The following PLK2 variants were observed in gnomAD, a reference collection of about 807,000 sequenced individuals.
The protein encoded by PLK2 is polo like kinase 2, also known as serine/threonine-protein kinase PLK2.
In PLK2, 25 loss-of-function variants were observed where a neutral mutation model predicts 78.1. The observed-to-expected ratio is 0.32, with a 90% CI of 0.23 to 0.45. The LOEUF is 0.45. PLK2 is among the 20% of genes least tolerant of loss of function. The probability of loss-of-function intolerance (pLI) is 1.00; values close to 1 mark genes in which losing one functional copy is unlikely to be tolerated. For synonymous variants in PLK2, 332 were observed against 298.2 expected (o/e 1.11, Z -1.17); for missense variants, 566 against 840.2 (o/e 0.67, Z 4.04).
At chr5:58,456,221 G>T in intron 9 of PLK2, 66 bp from the exon 10 acceptor site, 2 of 1,481,530 alleles carry the variant, frequency 1.3e-6, no homozygotes, top group South Asian at 1.2e-5. Context: ...GAGAATTCCA[G>T]ATTAAGATGA....
chr5:58,456,452 CG>C (rs1561216024), intron 9 of PLK2, 39 bp downstream of exon 9: 1 of 1,146,992 alleles, frequency 8.7e-7, no homozygotes, highest in East Asian at 2.3e-5. Flanking sequence ...GTGGAAATAA[CG>C]TAAAGCGTGA....
chr5:58,458,675 C>A, intron 3 of PLK2, 50 bp downstream of exon 3: 2 of 1,249,260 alleles, frequency 1.6e-6, no homozygotes, highest in South Asian at 1.2e-5. Flanking sequence ...CTTTGAATAC[C>A]ATGTTAATTC....
At chr5:58,456,440 G>C (rs537184355) in intron 9 of PLK2, 52 bp downstream of exon 9, 62 of 1,048,930 alleles carry the variant, frequency 5.9e-5, no homozygotes, top group Admixed American at 7.8e-5. Flanking sequence ...AATTAATAAA[G>C]AGTGGAAATA....
chr5:58,458,271 A>G (rs749845123), intron 4 of PLK2, 100 bp from the exon 5 acceptor site: 2 of 1,299,002 alleles, frequency 1.5e-6, no homozygotes, highest in East Asian at 4.6e-5. Flanking sequence ...TTGTTATATG[A>G]AAGTCGCCCA....
In PLK2 at chr5:58,457,544, G is replaced by C; in HGVS notation, c.753C>G (p.Val251=). The stretch of plus-strand genomic sequence containing the variant: ...CACAGCCATGTCCTTGTTTGTTGAG[G>C]ACTTCAGGAGAGAGATAATTTGGGG... ...CGTPNYLSPE[V]LNKQGHGCES... Residue 251 remains valine, a synonymous_variant, in exon 6 of 14, where the codon GTC becomes GTG. Transcript: ENST00000274289. The C allele has an allele frequency of 6.2e-7, 1 of 1,612,896 alleles. No homozygotes were observed. Among genetic ancestry groups the C allele is most frequent in the Non-Finnish European group, 8.5e-7 (1 of 1,178,864 alleles).
chr5:58,459,400 G>T (rs573359555), intron 1 of PLK2: 20 of 566,364 alleles, frequency 3.5e-5, no homozygotes, highest in Admixed American at 2.3e-4. Flanking sequence ...TTCCCTGGGA[G>T]CAGATAGAGG....
At position 58,458,498 on chromosome 5, in the gene PLK2, C is replaced by T; in HGVS notation, c.526G>A (p.Val176Met). 1.9e-6 allele frequency: 3 copies of T among 1,612,036 alleles called. No homozygotes were observed. Among genetic ancestry groups the T allele is most frequent in the Non-Finnish European group, 2.5e-6 (3 of 1,178,954 alleles). ...TATCGAACTTCTGGCTCTGTCAACACCTTTCTTGCTTTCAAAATATGAGCC... is the reference window on the plus strand; with the variant it reads ...TATCGAACTTCTGGCTCTGTCAACATCTTTCTTGCTTTCAAAATATGAGCC... The part of the protein sequence containing the change: ...SMAHILKARK[V>M]LTEPEVRYYL... The change falls in exon 4 of 14, where the codon GTG becomes ATG. Residue 176 changes from valine to methionine, a missense_variant. Around this residue, in one of 5 missense-constraint regions of PLK2, gnomAD observed 179 missense variants for 342.3 expected, o/e 0.52. Coordinates refer to ENST00000274289, the MANE Select transcript of PLK2 (RefSeq NM_006622.4).
chr5:58,455,488 T>G, intron 11 of PLK2, 51 bp downstream of exon 11: 1 of 1,611,672 alleles, frequency 6.2e-7, no homozygotes, highest in Non-Finnish European at 8.5e-7. Flanking sequence ...TTTAGATTTC[T>G]TTAGTGCAAG....
chr5:58,456,790 A>G lies in PLK2; in HGVS notation c.1156+155T>C, dbSNP rs185309917. On this transcript the variant is annotated intron_variant, in intron 8 of 13. Coordinates refer to ENST00000274289, the MANE Select transcript of PLK2 (RefSeq NM_006622.4). ...GCAAAATAAAAAGCTATCAATCACA[A>G]TTCAAGGTATGGATTTATTATGCTA... 4.9e-5 allele frequency: 31 copies of G among 633,540 alleles called. No homozygotes were observed. The African/African-American group carries it at 5.5e-4, about 11-fold the overall frequency. 39.2% of individuals were successfully genotyped at this position (633,540 alleles called of 1,614,324 possible).
At chr5:58,458,930 G>A (rs747392929) in intron 2 of PLK2, 55 bp downstream of exon 2, 8 of 1,325,810 alleles carry the variant, frequency 6.0e-6, no homozygotes, top group African/African-American at 5.8e-5. Flanking sequence ...TTTCCTAACA[G>A]GGAAGGGCCA....
intron 1 of PLK2, 61 bp from the exon 2 acceptor site, chr5:58,459,153 T>G (rs543888993): frequency 5.6e-4 from 476 of 843,460 alleles, no homozygotes; most frequent in Middle Eastern, 5.0e-3. Context: ...GGCAGATATT[T>G]TAAATAAATA....
In PLK2 at chr5:58,456,173, TTATG is replaced by T. The variant is rs1743598564; in HGVS notation, c.1255-22_1255-19del. ...TGGAGCTCCTTAGAAGAGAGAAGAT[TTATG>T]CAATGAGTCAAGCATCTAAATTCAT... is the stretch of plus-strand genomic sequence containing the variant. On this transcript the variant is annotated intron_variant, in intron 9 of 13. Coordinates refer to ENST00000274289, the MANE Select transcript of PLK2 (RefSeq NM_006622.4). The T allele has an allele frequency of 1.2e-6, 2 of 1,603,468 alleles. No individual in the cohort carries two copies. The highest frequency in any genetic ancestry group is 2.7e-5 in the African/African-American group (2 of 74,228).
At chr5:58,456,427 G>A (rs1395375426) in intron 9 of PLK2, 65 bp downstream of exon 9, 5 of 970,270 alleles carry the variant, frequency 5.2e-6, no homozygotes, top group Admixed American at 2.0e-5. Context: ...TAGTCCAAGT[G>A]CTAATTAATA....
chr5:58,456,626 A>G, intron 8 of PLK2, 37 bp from the exon 9 acceptor site: 2 of 1,273,782 alleles, frequency 1.6e-6, no homozygotes, highest in South Asian at 1.2e-5. Context: ...ACATTAGTCT[A>G]TCTTAACAAG....
At position 58,457,084 on chromosome 5, in the gene PLK2, A is replaced by G. The variant is rs1251083032; in HGVS notation, c.1017T>C (p.Thr339=). Reference sequence around the variant, plus strand: ...AACAGCTAGAAGACAGTCTGTCCGGAGTGAAGCCCTGTGGAATATTAGAAA... The same window carrying G: ...AACAGCTAGAAGACAGTCTGTCCGGGGTGAAGCCCTGTGGAATATTAGAAA... The part of the protein sequence containing the change: ...IRHDFFLQGF[T]PDRLSSSCCH... The change falls in exon 8 of 14, where the codon ACT becomes ACC. Residue 339 remains threonine, a synonymous_variant. Coordinates refer to ENST00000274289, the MANE Select transcript of PLK2 (RefSeq NM_006622.4). 6.2e-7 allele frequency: 1 copy of G among 1,613,158 alleles called. No homozygotes were observed. The highest frequency in any genetic ancestry group is 1.7e-5 in the Admixed American group (1 of 59,868).
intron 7 of PLK2, 41 bp from the exon 8 acceptor site, chr5:58,457,133 A>G (rs1743627913): frequency 6.2e-7 from 1 of 1,605,520 alleles, no homozygotes; most frequent in African/African-American, 1.3e-5. Flanking sequence ...CCTGTCAGGT[A>G]ACTGGGATCA....
chr5:58,455,071 T>A, intron 12 of PLK2, 50 bp from the exon 13 acceptor site: 2 of 1,191,114 alleles, frequency 1.7e-6, no homozygotes, highest in Non-Finnish European at 2.5e-6. Context: ...TTTTGTAGCA[T>A]GCACTCTATT....
intron 1 of PLK2, 80 bp from the exon 2 acceptor site, chr5:58,459,172 G>T (rs1579966108): frequency 1.3e-6 from 1 of 791,722 alleles, no homozygotes; most frequent in Non-Finnish European, 2.1e-6. Context: ...TAAATAAATG[G>T]GAAGAAAGAA....
Position 58,454,509 on chromosome 5 carries a change from G to C in PLK2, c.*74C>G. 1 of 1,033,366 alleles carries C rather than the reference G, an allele frequency of 9.7e-7. No individual in the cohort carries two copies. The highest frequency in any genetic ancestry group is 1.5e-6 in the Non-Finnish European group (1 of 685,788). 64.0% of individuals were successfully genotyped at this position (1,033,366 alleles called of 1,614,324 possible). A position where few individuals can be genotyped will look rare whatever the true frequency, so the allele number is the denominator to read the frequency against. ...TGTCCATCTTCTTCAACATACTCTA[G>C]ATCATTCTTTTGGCTTCCCTGTAGA... On this transcript the variant is annotated 3_prime_UTR_variant, in exon 14 of 14. Transcript: ENST00000274289.
Sources: allele counts gnomAD v4.1 joint callset, GRCh38; gene constraint gnomAD v4.1.1; regional missense constraint gnomAD v4.1.1; transcripts MANE v1.5; gene names NCBI Gene and HGNC (gene_info 2026-07-23, HGNC 2026-07-21).